DDX31: variants seen among roughly 807,000 people sequenced by gnomAD.
DDX31 encodes ATP-dependent DNA helicase DDX31.
Under a neutral mutation model 91.3 loss-of-function variants are expected in DDX31, and 70 were observed. That is an observed-to-expected ratio of 0.77 (90% CI 0.63 to 0.94). DDX31 has a LOEUF of 0.94. DDX31 is among the 40% of genes least tolerant of loss of function. The pLI is 0.00. For synonymous variants in DDX31, 362 were observed against 350.6 expected (o/e 1.03, Z -0.36); for missense variants, 902 against 925.0 (o/e 0.98, Z 0.32).
rs770939225 is a variant in DDX31 at position 132,669,959 on chromosome 9, C to T, written c.-25G>A. On this transcript the variant is annotated 5_prime_UTR_variant, in exon 1 of 20. Transcript: ENST00000372159. ...TGGTCTGCGTGGGTGACGCGTGGTG[C>T]AGCAGCGAGCCCGGTGCGCAGACTG... 2 of 1,581,602 alleles carry T rather than the reference C, an allele frequency of 1.3e-6. No individual in the cohort carries two copies. Among genetic ancestry groups the T allele is most frequent in the Admixed American group, 1.8e-5 (1 of 55,664 alleles).
intron 14 of DDX31, among the ~76,000 whole-genome samples, 160 bp from the exon 15 acceptor site, chr9:132,632,251 C>CGT (rs1367043307): frequency 3.9e-4 from 38 of 97,486 alleles, no homozygotes; most frequent in African/African-American, 2.8e-3. Flanking sequence ...TACACACACA[C>CGT]ACACACACAC....
intron 19 of DDX31, among the ~76,000 whole-genome samples, chr9:132,608,536 C>T (rs561439857): frequency 1.3e-5 from 2 of 152,264 alleles, no homozygotes; most frequent in East Asian, 1.9e-4. Flanking sequence ...TTCTAATACC[C>T]GCCTGAGCTC....
intron 16 of DDX31, among the ~76,000 whole-genome samples, chr9:132,629,340 G>A (rs907087641): frequency 7.9e-5 from 12 of 152,216 alleles, no homozygotes; most frequent in Non-Finnish European, 1.2e-4. Context: ...CAACACTGAA[G>A]GACACACAGC....
At chr9:132,665,089 T>C (rs1378146272) in intron 1 of DDX31, among the ~76,000 whole-genome samples, 2 of 152,218 alleles carry the variant, frequency 1.3e-5, no homozygotes, top group Non-Finnish European at 2.9e-5. Context: ...CGTTGTTTTA[T>C]GTCTGTCTTT....
intron 13 of DDX31, 117 bp downstream of exon 13, chr9:132,645,778 G>T: frequency 9.0e-7 from 1 of 1,111,272 alleles, no homozygotes; most frequent in Non-Finnish European, 1.2e-6. Flanking sequence ...GCCCAGTGGA[G>T]TGTGCAAGGG....
At chr9:132,630,717 T>C (rs1242890878) in intron 15 of DDX31, among the ~76,000 whole-genome samples, 1 of 152,258 alleles carries the variant, frequency 6.6e-6, no homozygotes, top group African/African-American at 2.4e-5. Flanking sequence ...CTTTTCACTG[T>C]GGTGACTGGA....
At chr9:132,600,233 G>A (rs774927211) in intron 19 of DDX31, among the ~76,000 whole-genome samples, 3 of 152,252 alleles carry the variant, frequency 2.0e-5, no homozygotes, top group Non-Finnish European at 2.9e-5. Flanking sequence ...TTCTGTTCTG[G>A]TAGAGAAGTA....
At position 132,645,888 on chromosome 9, in the gene DDX31, T is replaced by C. The variant is rs777944137; in HGVS notation, c.1380+7A>G. On this transcript the variant is annotated splice_region_variant and intron_variant, in intron 13 of 19. Transcript: ENST00000372159. ...TGTTGTCGCTGCACAGGGAGATCAG[T>C]GCTCACCTCCTGCTCCATGCCGCCA... is the stretch of plus-strand genomic sequence containing the variant. 10 of 1,609,406 alleles carry C rather than the reference T, an allele frequency of 6.2e-6. No individual in the cohort carries two copies. The South Asian group carries it at 7.7e-5, about 12-fold the overall frequency.
At chr9:132,663,795 TA>T (rs1031625256) in intron 1 of DDX31, among the ~76,000 whole-genome samples, 9 of 152,232 alleles carry the variant, frequency 5.9e-5, no homozygotes, top group African/African-American at 2.2e-4. Flanking sequence ...TTCAAATATC[TA>T]ATATTAATAA....
At chr9:132,651,154 TC>T (rs749501546) in intron 7 of DDX31, 38 bp from the exon 8 acceptor site, 20 of 1,501,972 alleles carry the variant, frequency 1.3e-5, no homozygotes, top group East Asian at 9.1e-5. Flanking sequence ...ATGAACAGGA[TC>T]CCCCTTTTTT....
At chr9:132,634,276 T>C (rs950044414) in intron 14 of DDX31, among the ~76,000 whole-genome samples, 2 of 152,178 alleles carry the variant, frequency 1.3e-5, no homozygotes, top group African/African-American at 4.8e-5. Context: ...TAGTACAATC[T>C]AGATGAAGGA....
chr9:132,603,213 G>A (rs1830817473), intron 19 of DDX31, among the ~76,000 whole-genome samples: 3 of 152,194 alleles, frequency 2.0e-5, no homozygotes, highest in South Asian at 2.1e-4. Flanking sequence ...ACATGCTGTC[G>A]CTCTGGGATG....
chr9:132,633,626 CAT>C (rs1423673690), intron 14 of DDX31, among the ~76,000 whole-genome samples: 1 of 151,362 alleles, frequency 6.6e-6, no homozygotes, highest in East Asian at 1.9e-4. Flanking sequence ...AAAATACAAA[CAT>C]ATTTGCTCAT....
At chr9:132,598,680 TA>T (rs543159890) in intron 19 of DDX31, among the ~76,000 whole-genome samples, 15 of 152,388 alleles carry the variant, frequency 9.8e-5, no homozygotes, top group African/African-American at 3.4e-4. Context: ...AAACCCATTC[TA>T]ATTCAGGCTT....
intron 19 of DDX31, among the ~76,000 whole-genome samples, chr9:132,610,530 C>T (rs935473117): frequency 7.2e-5 from 11 of 152,128 alleles, no homozygotes; most frequent in Non-Finnish European, 1.3e-4. Context: ...CCAAGTCCCC[C>T]AGAGAGGTCA....
At chr9:132,605,714 G>T (rs1830974819) in intron 19 of DDX31, among the ~76,000 whole-genome samples, 1 of 151,946 alleles carries the variant, frequency 6.6e-6, no homozygotes, top group African/African-American at 2.4e-5. Context: ...AGAGGTCCAG[G>T]CCCAGGACAT....
At chr9:132,609,814 G>A (rs887287824) in intron 19 of DDX31, among the ~76,000 whole-genome samples, 2 of 152,170 alleles carry the variant, frequency 1.3e-5, no homozygotes, top group Admixed American at 1.3e-4. Flanking sequence ...TAGAGATGGG[G>A]TTTCACCATC....
Position 132,658,609 on chromosome 9 carries a change from C to T in DDX31, c.588+62G>A, listed in dbSNP as rs893145334. ...TTTTAGTCCTAATATTTCTGTTATG[C>T]TTCAGTTTGATGGTTGCTTATGCAC... On this transcript the variant is annotated intron_variant, in intron 6 of 19. Transcript: ENST00000372159. 5.5e-6 allele frequency: 8 copies of T among 1,441,824 alleles called. No individual in the cohort carries two copies. The African/African-American group carries it at 9.9e-5, about 18-fold the overall frequency. 89.3% of individuals were successfully genotyped at this position (1,441,824 alleles called of 1,614,324 possible). A position where few individuals can be genotyped will look rare whatever the true frequency, so the allele number is the denominator to read the frequency against.
intron 19 of DDX31, among the ~76,000 whole-genome samples, chr9:132,596,654 C>T (rs1232990039): frequency 6.6e-6 from 1 of 152,138 alleles, no homozygotes; most frequent in Non-Finnish European, 1.5e-5. Flanking sequence ...GGTAACCTGC[C>T]CCAGGACCAC....
Sources: allele counts gnomAD v4.1 joint callset (sites outside exome capture counted in the v4.1 genomes callset), GRCh38; gene constraint gnomAD v4.1.1; transcripts MANE v1.5; gene names NCBI Gene and HGNC (gene_info 2026-07-23, HGNC 2026-07-21).